Variants in TAF1 observed in about 807,000 individuals in gnomAD.
TAF1 encodes TATA-box binding protein associated factor 1.
Under a neutral mutation model 138.5 loss-of-function variants are expected in TAF1, and 2 were observed. That is an observed-to-expected ratio of 0.01 (90% confidence interval 0.01 to 0.05). TAF1 has a LOEUF of 0.05. TAF1 is among the 10% of genes least tolerant of loss of function. TAF1 has a pLI of 1.00. For synonymous variants in TAF1, 437 were observed against 503.2 expected, an observed-to-expected ratio of 0.87 and a Z score of 1.76; for missense variants, 709 against 1,478.0, an observed-to-expected ratio of 0.48 and a Z score of 8.53.
chrX:71,528,717 A>G (rs2040044594), exon 14 of TAF1: 1 of 328,038 alleles, frequency 3.0e-6, no homozygotes, highest in African/African-American at 2.7e-5. Context: ...GAAGCCGTGG[A>G]CCTTCGCGGT....
chrX:71,447,696 CA>C (rs67753069), intron 32 of TAF1, among the ~76,000 whole-genome samples: 7,024 of 85,743 alleles, frequency 0.082, 426 homozygotes, highest in Admixed American at 0.24. Context: ...GACACTGTGT[CA>C]AAAAAAAAAA....
chrX:71,368,392 G>C (rs902841331), intron 3 of TAF1, among the ~76,000 whole-genome samples: 13 of 111,591 alleles, frequency 1.2e-4, no homozygotes, highest in African/African-American at 4.2e-4. Flanking sequence ...TCCTCACACT[G>C]TTCAGTCATG....
At chrX:71,409,344 T>C (rs752241200) in intron 28 of TAF1, among the ~76,000 whole-genome samples, 1 of 110,555 alleles carries the variant, frequency 9.0e-6, no homozygotes, top group African/African-American at 3.3e-5. Context: ...CCCAGGCTGG[T>C]CTCAAACTCT....
chrX:71,413,983 G>A (rs2035926376), intron 28 of TAF1: 1 of 110,041 alleles, frequency 9.1e-6, no homozygotes, highest in Admixed American at 9.9e-5. Flanking sequence ...CAAAGACAGT[G>A]GGGGGATATA....
At chrX:71,519,553 GAAT>G (rs2039890376) in intron 13 of TAF1, among the ~76,000 whole-genome samples, 4 of 105,598 alleles carry the variant, frequency 3.8e-5, no homozygotes, top group African/African-American at 1.4e-4. Context: ...TGAGGCAGGA[GAAT>G]GGCATGAACC....
At chrX:71,449,956 A>G (rs7887723) in intron 32 of TAF1, among the ~76,000 whole-genome samples, 2,154 of 110,947 alleles carry the variant, frequency 0.019, 55 homozygotes, top group African/African-American at 0.067. Flanking sequence ...CGTTATTTGT[A>G]TAGACAGAGT....
chrX:71,396,295 CTTTTTTT>C (rs368521405), intron 22 of TAF1, among the ~76,000 whole-genome samples: 1 of 93,379 alleles, frequency 1.1e-5, no homozygotes, highest in South Asian at 4.9e-4. Flanking sequence ...TGCTTGGGTA[CTTTTTTT>C]TTTTTTTTTT....
intron 32 of TAF1, among the ~76,000 whole-genome samples, chrX:71,442,080 G>A (rs1394483092): frequency 1.8e-5 from 2 of 111,598 alleles, no homozygotes; most frequent in Non-Finnish European, 3.8e-5. Flanking sequence ...ATGGACATTT[G>A]GGTTGGTTCC....
At chrX:71,514,028 C>T (rs1339012283) in intron 13 of TAF1, among the ~76,000 whole-genome samples, 1 of 111,855 alleles carries the variant, frequency 8.9e-6, no homozygotes, top group African/African-American at 3.3e-5. Flanking sequence ...CCCTTCCATA[C>T]TGTAGAAGCT....
intron 3 of TAF1, among the ~76,000 whole-genome samples, chrX:71,370,281 A>G: frequency 9.0e-6 from 1 of 111,114 alleles, no homozygotes; most frequent in Middle Eastern, 4.6e-3. Flanking sequence ...GTGGTCTGGA[A>G]TCTAGAGGTA....
chrX:71,385,456 C>T (rs772066650), intron 14 of TAF1, among the ~76,000 whole-genome samples: 1 of 111,186 alleles, frequency 9.0e-6, no homozygotes, highest in Non-Finnish European at 1.9e-5. Flanking sequence ...ATCTACAGTC[C>T]CCAGCCATAG....
chrX:71,401,870 C>A, intron 25 of TAF1, 131 bp downstream of exon 25: 1 of 624,688 alleles, frequency 1.6e-6, no homozygotes, highest in Admixed American at 3.3e-5. Flanking sequence ...GATGGCGTTT[C>A]CTCAGTTATT....
chrX:71,391,723 T>G (rs1263543838), intron 18 of TAF1, among the ~76,000 whole-genome samples: 6 of 104,573 alleles, frequency 5.7e-5, no homozygotes, highest in African/African-American at 2.1e-4. Context: ...GCCTGCTGGG[T>G]TCAAGCCATT....
chrX:71,393,926 T>G, intron 21 of TAF1, 141 bp from the exon 22 acceptor site: 4 of 629,669 alleles, frequency 6.4e-6, no homozygotes, highest in Non-Finnish European at 9.2e-6. Flanking sequence ...CTAGGAAAAC[T>G]TTGTAAAGCT....
Position 71,388,814 on chromosome X carries a change from A to G in TAF1, c.2646A>G (p.Ser882=), listed in dbSNP as rs1342483328. ...PTEEEIRAMV[S]PEQCCAYYSM... is the part of the protein sequence containing the mutation. ...AAGAAGAGATCAGAGCTATGGTGTC[A>G]CCAGAGCAGTGCTGTGCTTATTATA... Residue 882 remains serine, a synonymous_variant, in exon 17 of 38, where the codon TCA becomes TCG. Transcript: ENST00000423759. 8.3e-7 allele frequency: 1 copy of G among 1,210,005 alleles called. No individual in the cohort carries two copies. Among genetic ancestry groups the G allele is most frequent in the Non-Finnish European group, 1.1e-6 (1 of 895,276 alleles).
At chrX:71,488,833 G>A (rs1425021547) in intron 13 of TAF1, among the ~76,000 whole-genome samples, 3 of 109,836 alleles carry the variant, frequency 2.7e-5, no homozygotes, top group Non-Finnish European at 5.7e-5. Flanking sequence ...TTGGGAGGCC[G>A]AGGCAGGTGG....
At chrX:71,488,031 A>T (rs1158293188) in intron 13 of TAF1, among the ~76,000 whole-genome samples, 1 of 111,303 alleles carries the variant, frequency 9.0e-6, no homozygotes, top group Non-Finnish European at 1.9e-5. Flanking sequence ...TGTTTAGTTG[A>T]TTTTTAAGCC....
chrX:71,482,807 A>G (rs1483117804), intron 13 of TAF1, among the ~76,000 whole-genome samples: 1 of 112,264 alleles, frequency 8.9e-6, no homozygotes, highest in Non-Finnish European at 1.9e-5. Context: ...GTAGCATGTG[A>G]TGCTGTTTGA....
rs1034977607 is a variant in TAF1 at position 71,451,802 on chromosome X, T to C, written c.4754-2368T>C. On this transcript the variant is annotated intron_variant, in intron 32 of 37. Transcript: ENST00000423759. The stretch of plus-strand genomic sequence containing the variant: ...GAGCACAGGGTTGGGGGTAAGGTCA[T>C]AGATCAACAGGATCCCAAGGCAGAA... Among the ~76,000 whole-genome samples, 17 of 111,293 alleles carry C rather than the reference T, an allele frequency of 1.5e-4. No homozygotes were observed. In the East Asian group the frequency reaches 2.0e-3, roughly 13 times the overall value.
Sources: allele counts gnomAD v4.1 joint callset (sites outside exome capture counted in the v4.1 genomes callset), GRCh38; gene constraint gnomAD v4.1.1; transcripts MANE v1.5; gene names NCBI Gene and HGNC (gene_info 2026-07-23, HGNC 2026-07-21).